PPP1R9A: variants seen among roughly 807,000 people sequenced by gnomAD.
PPP1R9A encodes the protein neurabin-1.
In PPP1R9A, 59 loss-of-function variants were observed where a neutral mutation model predicts 141.9. That is an observed-to-expected ratio of 0.42 (90% confidence interval 0.34 to 0.52). The LOEUF (loss-of-function observed/expected upper bound fraction) is 0.52. Ranked by LOEUF, PPP1R9A falls within the 20% of genes least tolerant of loss-of-function variation. PPP1R9A has a pLI of 0.10. For missense variants in PPP1R9A, 1,444 were observed against 1,611.9 expected (o/e 0.90, Z 1.78); for synonymous variants, 500 against 569.7 (o/e 0.88, Z 1.74).
At chr7:95,276,100 A>G (rs1002578173) in intron 16 of PPP1R9A, among the ~76,000 whole-genome samples, 1 of 152,204 alleles carries the variant, frequency 6.6e-6, no homozygotes, top group African/African-American at 2.4e-5. Flanking sequence ...CGTTTAGGGG[A>G]GAAAGAGATG....
At chr7:95,137,934 CTTTTTTTT>C (rs1041692626) in intron 4 of PPP1R9A, among the ~76,000 whole-genome samples, 3 of 134,532 alleles carry the variant, frequency 2.2e-5, no homozygotes, top group Non-Finnish European at 4.8e-5. Context: ...TTCTTTTTTT[CTTTTTTTT>C]TTTTTTTTGA....
chr7:95,111,561 G>A (rs1820569888), intron 3 of PPP1R9A, among the ~76,000 whole-genome samples, 170 bp downstream of exon 3: 1 of 152,134 alleles, frequency 6.6e-6, no homozygotes, highest in African/African-American at 2.4e-5. Context: ...AGTAGATGGT[G>A]GATTGAAAGT....
chr7:95,086,610 C>T (rs1439620456), intron 2 of PPP1R9A, among the ~76,000 whole-genome samples: 1 of 151,964 alleles, frequency 6.6e-6, no homozygotes, highest in Non-Finnish European at 1.5e-5. Flanking sequence ...AATGGGGAAA[C>T]AGGGAATAAA....
rs550667601 is a variant in PPP1R9A at position 94,949,029 on chromosome 7, G to C, written c.1395+37521G>C. ...CTTTGTTTCCATTAAGCACACCTGG[G>C]ATAAGCCAGAATTTTCAAAAAGAAA... On this transcript the variant is annotated intron_variant, in intron 2 of 19. Transcript: ENST00000433360. Among the ~76,000 whole-genome samples the C allele has an allele frequency of 3.3e-5, 5 of 152,260 alleles. No individual in the cohort carries two copies. In the South Asian group the frequency reaches 1.0e-3, roughly 32 times the overall value.
At chr7:95,043,577 A>AG (rs1809563989) in intron 2 of PPP1R9A, among the ~76,000 whole-genome samples, 1 of 151,892 alleles carries the variant, frequency 6.6e-6, no homozygotes, top group Non-Finnish European at 1.5e-5. Context: ...TTCTCCAGGT[A>AG]CCCCCTCTAG....
At chr7:95,107,087 G>C (rs1819639363) in intron 2 of PPP1R9A, among the ~76,000 whole-genome samples, 1 of 151,936 alleles carries the variant, frequency 6.6e-6, no homozygotes, top group Admixed American at 6.6e-5. Flanking sequence ...CTGCCTGGAT[G>C]TGGTAGTCTT....
intron 2 of PPP1R9A, among the ~76,000 whole-genome samples, chr7:95,029,166 A>G (rs1387052821): frequency 6.6e-6 from 1 of 152,194 alleles, no homozygotes; most frequent in African/African-American, 2.4e-5. Context: ...CTTTGCACCA[A>G]ATACTTTCCT....
At chr7:95,114,586 AAAAATT>A (rs1161851401) in intron 3 of PPP1R9A, among the ~76,000 whole-genome samples, 113 of 152,238 alleles carry the variant, frequency 7.4e-4, no homozygotes, top group African/African-American at 2.6e-3. Context: ...ATTTCATACT[AAAAATT>A]AAACTAGAAG....
At chr7:95,050,149 G>A (rs143025041) in intron 2 of PPP1R9A, among the ~76,000 whole-genome samples, 8 of 152,202 alleles carry the variant, frequency 5.3e-5, no homozygotes, top group African/African-American at 1.7e-4. Flanking sequence ...AGCAGCATTC[G>A]GTATTGTTAG....
intron 2 of PPP1R9A, among the ~76,000 whole-genome samples, chr7:95,033,154 G>A (rs1029424854): frequency 4.8e-5 from 7 of 145,060 alleles, no homozygotes; most frequent in African/African-American, 1.3e-4. Flanking sequence ...ACAGGCACCC[G>A]CCACCATGCC....
intron 2 of PPP1R9A, among the ~76,000 whole-genome samples, chr7:95,038,258 C>G (rs1808732554): frequency 6.6e-6 from 1 of 152,120 alleles, no homozygotes; most frequent in African/African-American, 2.4e-5. Context: ...ACAGGTGCCT[C>G]CAGAGAGTCT....
intron 2 of PPP1R9A, among the ~76,000 whole-genome samples, chr7:94,959,738 C>T (rs1797414119): frequency 6.6e-6 from 1 of 151,554 alleles, no homozygotes; most frequent in African/African-American, 2.4e-5. Flanking sequence ...GAATTATTGT[C>T]CTGTCACTCT....
intron 2 of PPP1R9A, among the ~76,000 whole-genome samples, chr7:94,991,126 G>A (rs1801454125): frequency 6.6e-6 from 1 of 152,100 alleles, no homozygotes; most frequent in Non-Finnish European, 1.5e-5. Flanking sequence ...CTTCATAGTG[G>A]CTGTACTAGT....
chr7:95,158,425 C>G (rs1829965610), intron 4 of PPP1R9A, among the ~76,000 whole-genome samples: 1 of 152,104 alleles, frequency 6.6e-6, no homozygotes, highest in African/African-American at 2.4e-5. Flanking sequence ...GATGCCAAGG[C>G]AGGAGGATCA....
At chr7:94,995,856 C>G (rs1584181368) in intron 2 of PPP1R9A, among the ~76,000 whole-genome samples, 1 of 152,042 alleles carries the variant, frequency 6.6e-6, no homozygotes. Flanking sequence ...GATTGGATAC[C>G]ATTCTGAAAA....
Position 94,937,527 on chromosome 7 carries a change from TCTC to T in PPP1R9A, c.1395+26022_1395+26024del. On this transcript the variant is annotated intron_variant, in intron 2 of 19. Coordinates refer to ENST00000433360, the MANE Select transcript of PPP1R9A (RefSeq NM_001166160.2). ...TAGTATAATTGGATCATAACATAGA[TCTC>T]CTGATGGCCACAGCTATCAACATAT... Among the ~76,000 whole-genome samples, 3 of 152,316 alleles carry T rather than the reference TCTC, an allele frequency of 2.0e-5. No homozygotes were observed. In the Middle Eastern group the frequency reaches 0.01, roughly 518 times the overall value.
intron 2 of PPP1R9A, among the ~76,000 whole-genome samples, chr7:95,079,782 A>G (rs1386197808): frequency 6.6e-6 from 1 of 152,234 alleles, no homozygotes; most frequent in Non-Finnish European, 1.5e-5. Flanking sequence ...AGGCTGGTTC[A>G]ATATATGCAA....
At chr7:95,063,903 A>G (rs1354900897) in intron 2 of PPP1R9A, among the ~76,000 whole-genome samples, 1 of 152,174 alleles carries the variant, frequency 6.6e-6, no homozygotes, top group Non-Finnish European at 1.5e-5. Context: ...TTTTGAAATT[A>G]TGTGTGGGGG....
chr7:94,990,251 A>G (rs1000892174), intron 2 of PPP1R9A, among the ~76,000 whole-genome samples: 3 of 152,180 alleles, frequency 2.0e-5, no homozygotes, highest in African/African-American at 7.2e-5. Context: ...TTGTGATGAC[A>G]TAAGTGCTTG....
Sources: allele counts gnomAD v4.1 joint callset (sites outside exome capture counted in the v4.1 genomes callset), GRCh38; gene constraint gnomAD v4.1.1; transcripts MANE v1.5; gene names NCBI Gene and HGNC (gene_info 2026-07-23, HGNC 2026-07-21).